ELK3: variants seen among roughly 807,000 people sequenced by gnomAD.
The protein encoded by ELK3 is ETS domain-containing protein Elk-3.
ELK3 carries 10 observed loss-of-function variants against 28.9 expected under a neutral mutation model. The observed-to-expected ratio is 0.35, with a 90% CI of 0.21 to 0.59. The LOEUF (loss-of-function observed/expected upper bound fraction) is 0.59, where lower values mean the gene tolerates loss of function less well. Among genes scored for constraint, ELK3 ranks in the 20% least tolerant of loss-of-function variants. The pLI is 0.82. For missense variants in ELK3, 463 were observed against 517.3 expected (o/e 0.90, Z 1.02); for synonymous variants, 272 against 243.5 (o/e 1.12, Z -1.09).
chr12:96,201,092 T>C (rs1951504884), intron 1 of ELK3, among the ~76,000 whole-genome samples: 1 of 152,224 alleles, frequency 6.6e-6, no homozygotes, highest in South Asian at 2.1e-4. Context: ...TGATAAAATA[T>C]TGTGGTATTT....
chr12:96,255,135 T>C (rs537813337), intron 3 of ELK3, among the ~76,000 whole-genome samples: 1 of 152,018 alleles, frequency 6.6e-6, no homozygotes, highest in Non-Finnish European at 1.5e-5. Context: ...GGATCTGATG[T>C]TGGGAGTGCC....
chr12:96,224,668 G>A (rs1951687195), intron 2 of ELK3, among the ~76,000 whole-genome samples: 1 of 152,204 alleles, frequency 6.6e-6, no homozygotes, highest in East Asian at 1.9e-4. Flanking sequence ...GCTTGCTAGG[G>A]CAAAATTATT....
In ELK3 at chr12:96,246,889, A is replaced by G. The variant is rs146151798; in HGVS notation, c.208-51A>G. ...ATTTACCATTATCATGAGCTCTTAC[A>G]TGGTTTCTCGGGTGCACTCAGATTT... On this transcript the variant is annotated intron_variant, in intron 2 of 4. Coordinates refer to ENST00000228741, the MANE Select transcript of ELK3 (RefSeq NM_005230.4). The G allele has an allele frequency of 4.1e-4, 627 of 1,524,348 alleles. 3 individuals are homozygous for G. The highest frequency in any genetic ancestry group is 1.6e-3 in the Middle Eastern group (9 of 5,662). 94.4% of individuals were successfully genotyped at this position (1,524,348 alleles called of 1,614,324 possible).
chr12:96,211,418 T>C (rs1182364449), intron 1 of ELK3, among the ~76,000 whole-genome samples: 1 of 152,040 alleles, frequency 6.6e-6, no homozygotes, highest in Non-Finnish European at 1.5e-5. Flanking sequence ...TAGAGAATTT[T>C]AGATTGTCAG....
At chr12:96,199,890 A>T (rs1951497839) in intron 1 of ELK3, among the ~76,000 whole-genome samples, 1 of 152,116 alleles carries the variant, frequency 6.6e-6, no homozygotes, top group Admixed American at 6.5e-5. Context: ...TTCTAATTTG[A>T]ATTAGACTGA....
chr12:96,215,334 G>A (rs1360932502), intron 1 of ELK3, among the ~76,000 whole-genome samples: 1 of 152,124 alleles, frequency 6.6e-6, no homozygotes, highest in East Asian at 1.9e-4. Context: ...GGGTCTGTGC[G>A]GCCCTTGCTC....
chr12:96,197,682 G>T (rs1051889192), intron 1 of ELK3, among the ~76,000 whole-genome samples: 2 of 152,180 alleles, frequency 1.3e-5, no homozygotes, highest in African/African-American at 4.8e-5. Flanking sequence ...TACCAATGCT[G>T]TTGAGACCAG....
intron 1 of ELK3, among the ~76,000 whole-genome samples, chr12:96,200,169 A>G (rs983764679): frequency 6.6e-6 from 1 of 152,134 alleles, no homozygotes; most frequent in African/African-American, 2.4e-5. Context: ...CCATCATCTC[A>G]AATGTTTATG....
intron 1 of ELK3, among the ~76,000 whole-genome samples, chr12:96,217,351 C>T (rs1048964503): frequency 3.3e-5 from 5 of 152,242 alleles, no homozygotes; most frequent in African/African-American, 1.2e-4. Flanking sequence ...TATTTTACAA[C>T]GTTGTTGACT....
intron 3 of ELK3, among the ~76,000 whole-genome samples, chr12:96,253,415 A>G (rs1951922548): frequency 6.6e-6 from 1 of 152,088 alleles, no homozygotes; most frequent in African/African-American, 2.4e-5. Context: ...CCCTTTCTGT[A>G]GCTACCCTAG....
At chr12:96,200,762 A>G (rs1951502990) in intron 1 of ELK3, among the ~76,000 whole-genome samples, 1 of 152,172 alleles carries the variant, frequency 6.6e-6, no homozygotes, top group Non-Finnish European at 1.5e-5. Flanking sequence ...TCCTGTGTCT[A>G]AGCAATTCTC....
intron 3 of ELK3, chr12:96,255,629 A>C (rs1349820967): frequency 6.6e-6 from 1 of 152,264 alleles, no homozygotes; most frequent in African/African-American, 2.4e-5. Flanking sequence ...TCTGAGCCAA[A>C]TATGAGTGAC....
chr12:96,233,641 T>C (rs1565785162), intron 2 of ELK3, among the ~76,000 whole-genome samples: 1 of 152,238 alleles, frequency 6.6e-6, no homozygotes, highest in Non-Finnish European at 1.5e-5. Flanking sequence ...TGAGATCAAC[T>C]GCCTCTCCCA....
At chr12:96,250,461 A>G (rs1951894489) in intron 3 of ELK3, among the ~76,000 whole-genome samples, 1 of 151,794 alleles carries the variant, frequency 6.6e-6, no homozygotes, top group Non-Finnish European at 1.5e-5. Context: ...TCAGATTTGG[A>G]CTCTCAGATT....
intron 3 of ELK3, among the ~76,000 whole-genome samples, chr12:96,259,367 C>T (rs750792991): frequency 6.6e-6 from 1 of 151,942 alleles, no homozygotes; most frequent in Non-Finnish European, 1.5e-5. Flanking sequence ...GCCTGGCCAA[C>T]GTAATGAAAC....
chr12:96,222,222 T>C, intron 1 of ELK3, among the ~76,000 whole-genome samples: 1 of 152,180 alleles, frequency 6.6e-6, no homozygotes, highest in East Asian at 1.9e-4. Context: ...CTCAAAGGCC[T>C]GAAATTGAGA....
chr12:96,222,507 C>T (rs1565781501), intron 1 of ELK3, among the ~76,000 whole-genome samples: 1 of 152,190 alleles, frequency 6.6e-6, no homozygotes, highest in Non-Finnish European at 1.5e-5. Flanking sequence ...AAGGGAAGGT[C>T]TCTGCAATTG....
In ELK3 at chr12:96,247,945, A is replaced by T. The variant is rs1240717482; in HGVS notation, c.1002+211A>T. 6.6e-6 allele frequency among the ~76,000 whole-genome samples: 1 copy of T among 152,198 alleles called. No homozygotes were observed. The highest frequency in any genetic ancestry group is 2.4e-5 in the African/African-American group (1 of 41,454). Reference sequence around the variant, plus strand: ...GGTTTGGTTTGTCGACTCTAGTGGGATGCTTGATTGGTTTCTTGCTTTTAG... The same window carrying T: ...GGTTTGGTTTGTCGACTCTAGTGGGTTGCTTGATTGGTTTCTTGCTTTTAG... On this transcript the variant is annotated intron_variant, in intron 3 of 4. Coordinates refer to ENST00000228741, the MANE Select transcript of ELK3 (RefSeq NM_005230.4). This position sits in a 1 kb window ranked among gnomAD's most constrained non-coding sequence, Gnocchi z 5.5.
chr12:96,260,755 C>T (rs1951987191), intron 4 of ELK3, among the ~76,000 whole-genome samples: 1 of 152,212 alleles, frequency 6.6e-6, no homozygotes, highest in South Asian at 2.1e-4. Flanking sequence ...AGTGCAAACT[C>T]CCTCTTTCCC....
Sources: allele counts gnomAD v4.1 joint callset (sites outside exome capture counted in the v4.1 genomes callset), GRCh38; gene constraint gnomAD v4.1.1; non-coding constraint Gnocchi (gnomAD v3.1); transcripts MANE v1.5; gene names NCBI Gene and HGNC (gene_info 2026-07-23, HGNC 2026-07-21).